ZNF480: variants seen among roughly 807,000 people sequenced by gnomAD.
ZNF480 encodes zinc finger protein 480.
Under a neutral mutation model 14.4 loss-of-function variants are expected in ZNF480, and 15 were observed. The ratio of observed to expected loss-of-function variants is 1.04; its 90% CI spans 0.70 to 1.60. The LOEUF is 1.60. Ranked by LOEUF, ZNF480 falls within the 40% of genes most tolerant of loss-of-function variation. ZNF480 has a pLI of 0.00. For missense variants in ZNF480, 593 were observed against 629.7 expected, an observed-to-expected ratio of 0.94 and a Z score of 0.62; for synonymous variants, 218 against 215.5, an observed-to-expected ratio of 1.01 and a Z score of -0.10.
intron 2 of ZNF480, chr19:52,301,856 T>G (rs1482209158): frequency 6.5e-6 from 1 of 153,256 alleles, no homozygotes; most frequent in Admixed American, 6.5e-5. Context: ...GTATCCATAC[T>G]CCTTCTCAGG....
At chr19:52,308,868 A>G (rs1039221839) in intron 2 of ZNF480, 1 of 151,980 alleles carries the variant, frequency 6.6e-6, no homozygotes, top group Non-Finnish European at 1.5e-5. Flanking sequence ...CATTTTTTCA[A>G]CATCAAATTA....
chr19:52,319,330 C>T (rs1203178982), intron 4 of ZNF480, among the ~76,000 whole-genome samples: 2 of 152,122 alleles, frequency 1.3e-5, no homozygotes, highest in Non-Finnish European at 2.9e-5. Flanking sequence ...ATCTAAATTT[C>T]TCCTTTATTT....
chr19:52,321,927 C>A lies in ZNF480; in HGVS notation c.677C>A (p.Thr226Asn). The A allele has an allele frequency of 6.2e-7, 1 of 1,614,132 alleles. No homozygotes were observed. Among genetic ancestry groups the A allele is most frequent in the Admixed American group, 1.7e-5 (1 of 60,002 alleles). The change falls in exon 5 of 5, where the codon ACT becomes AAT. Residue 226 changes from threonine (T) to asparagine (N), a missense_variant. By Grantham distance (65) the Thr-to-Asn change is moderately conservative. Coordinates refer to ENST00000595962, the MANE Select transcript of ZNF480 (RefSeq NM_144684.4). ...CTTACTAAACATCAAGTAATCCATA[C>A]TGTAGAGAAACCTTACAAATGTAAT... ...SSLTKHQVIH[T>N]VEKPYKCNSC...
At chr19:52,302,532 G>A (rs1982745234) in intron 2 of ZNF480, among the ~76,000 whole-genome samples, 1 of 152,154 alleles carries the variant, frequency 6.6e-6, no homozygotes, top group African/African-American at 2.4e-5. Context: ...AATAAAAGCT[G>A]GAATGCCCAT....
chr19:52,321,591 C>T lies in ZNF480; in HGVS notation c.341C>T (p.Ala114Val). The T allele has an allele frequency of 6.3e-7, 1 of 1,592,316 alleles. No homozygotes were observed. The highest frequency in any genetic ancestry group is 8.6e-7 in the Non-Finnish European group (1 of 1,168,032). The change falls in exon 5 of 5, where the codon GCA (alanine) becomes GTA (valine). Residue 114 changes from alanine (A) to valine (V), a missense_variant. Ala to Val is a moderately conservative substitution (Grantham distance 64). Coordinates refer to ENST00000595962, the MANE Select transcript of ZNF480 (RefSeq NM_144684.4). Reference sequence around the variant, plus strand: ...CTTGCTTTCCTAGGGAGCAGCTATGCATTGGGAAGCAATGCAGAAGACAAA... The same window carrying T: ...CTTGCTTTCCTAGGGAGCAGCTATGTATTGGGAAGCAATGCAGAAGACAAA... ...IKGVNTGSSY[A>V]LGSNAEDKPI...
chr19:52,316,632 C>T (rs967309858), intron 4 of ZNF480, among the ~76,000 whole-genome samples: 94 of 152,194 alleles, frequency 6.2e-4, no homozygotes, highest in African/African-American at 2.2e-3. Context: ...TGATTACCGG[C>T]ATGAGCCATG....
chr19:52,298,849 A>C (rs141594934), intron 1 of ZNF480, among the ~76,000 whole-genome samples: 2 of 151,818 alleles, frequency 1.3e-5, no homozygotes, highest in African/African-American at 4.9e-5. Flanking sequence ...AGCTAGAGAA[A>C]GAAGGTGAGA....
chr19:52,300,147 C>G (rs1600211562), intron 1 of ZNF480, among the ~76,000 whole-genome samples: 1 of 152,182 alleles, frequency 6.6e-6, no homozygotes, highest in Admixed American at 6.5e-5. Flanking sequence ...GAGCTTAGAC[C>G]AGGCCAGCTC....
At chr19:52,314,008 C>A in intron 2 of ZNF480, 145 bp from the exon 3 acceptor site, 2 of 900,090 alleles carry the variant, frequency 2.2e-6, no homozygotes, top group Non-Finnish European at 1.6e-6. Context: ...CATTTACAGA[C>A]ACATAACTAC....
intron 2 of ZNF480, among the ~76,000 whole-genome samples, chr19:52,310,435 A>C (rs765222029): frequency 4.6e-5 from 7 of 151,962 alleles, no homozygotes; most frequent in Admixed American, 1.3e-4. Flanking sequence ...AATTATATAC[A>C]TTTTTAAATC....
chr19:52,302,794 C>T (rs979919637), intron 2 of ZNF480, among the ~76,000 whole-genome samples: 1 of 152,218 alleles, frequency 6.6e-6, no homozygotes, highest in Non-Finnish European at 1.5e-5. Flanking sequence ...ATAGATTTAG[C>T]TTCTTTCCAG....
intron 4 of ZNF480, among the ~76,000 whole-genome samples, chr19:52,319,270 A>T (rs949706209): frequency 1.3e-5 from 2 of 152,160 alleles, no homozygotes; most frequent in Admixed American, 6.6e-5. Context: ...TTCTTGTTGG[A>T]CAGGTCTAGA....
chr19:52,313,211 A>T (rs1181483435), intron 2 of ZNF480, among the ~76,000 whole-genome samples: 1 of 144,826 alleles, frequency 6.9e-6, no homozygotes, highest in Admixed American at 7.2e-5. Flanking sequence ...ATCTCAGCTC[A>T]CTGCAACCTC....
intron 2 of ZNF480, 48 bp downstream of exon 2, chr19:52,300,532 A>G (rs1302036757): frequency 6.2e-7 from 1 of 1,604,814 alleles, no homozygotes; most frequent in African/African-American, 1.3e-5. Context: ...TCTTTCAGAA[A>G]CGCTGGGCCT....
At position 52,300,475 on chromosome 19, in the gene ZNF480, T is replaced by C; in HGVS notation, c.63T>C (p.Ala21=). 6.2e-7 allele frequency: 1 copy of C among 1,612,604 alleles called. No individual in the cohort carries two copies. Among genetic ancestry groups the C allele is most frequent in the Non-Finnish European group, 8.5e-7 (1 of 1,179,796 alleles). ...GGAAAGCAAAGGAGTCAGGGATGGCTCTTCCTCAGGTGAGATGATATTCTC... is the reference window on the plus strand; with the variant it reads ...GGAAAGCAAAGGAGTCAGGGATGGCCCTTCCTCAGGTGAGATGATATTCTC... ...RKRKAKESGM[A]LPQGHLTFRD... The change falls in exon 2 of 5, where the codon GCT becomes GCC. Residue 21 remains alanine, a synonymous_variant. Transcript: ENST00000595962.
intron 4 of ZNF480, among the ~76,000 whole-genome samples, chr19:52,316,963 G>A (rs1483678874): frequency 1.3e-5 from 2 of 152,176 alleles, no homozygotes; most frequent in African/African-American, 2.4e-5. Context: ...GTGGACACCT[G>A]CATTGCGCCC....
At chr19:52,321,479 C>T (rs1262451368) in intron 4 of ZNF480, 100 bp from the exon 5 acceptor site, 12 of 1,011,334 alleles carry the variant, frequency 1.2e-5, no homozygotes, top group Non-Finnish European at 1.6e-5. Flanking sequence ...ATATTTCTTC[C>T]AATGTCTGAG....
chr19:52,321,738 C>T lies in ZNF480; in HGVS notation c.488C>T (p.Ser163Phe), dbSNP rs151111132. 6.1e-5 allele frequency: 98 copies of T among 1,613,918 alleles called. No individual in the cohort carries two copies. Among genetic ancestry groups the T allele is most frequent in the Non-Finnish European group, 8.1e-5 (95 of 1,179,950 alleles). Residue 163 changes from serine (S) to phenylalanine (F), a missense_variant, in exon 5 of 5, where the codon TCT becomes TTT. Coordinates refer to ENST00000595962, the MANE Select transcript of ZNF480 (RefSeq NM_144684.4). ...QVENFINHSS[S>F]VSCLQEMSSS... ...GAAAACTTTATCAACCACAGTTCCT[C>T]TGTTTCCTGTCTTCAAGAAATGTCT...
At chr19:52,306,990 G>A (rs1406687829) in intron 2 of ZNF480, among the ~76,000 whole-genome samples, 6 of 152,172 alleles carry the variant, frequency 3.9e-5, no homozygotes, top group African/African-American at 7.2e-5. Flanking sequence ...TGCTGCTTTA[G>A]CTGGCAAGGA....
Sources: allele counts gnomAD v4.1 joint callset (sites outside exome capture counted in the v4.1 genomes callset), GRCh38; gene constraint gnomAD v4.1.1; transcripts MANE v1.5; gene names NCBI Gene and HGNC (gene_info 2026-07-23, HGNC 2026-07-21).